AP3B1: variants seen among roughly 807,000 people sequenced by gnomAD.
AP3B1 encodes the protein adaptor related protein complex 3 subunit beta 1.
In AP3B1, 61 loss-of-function variants were observed where a neutral mutation model predicts 132.5. The ratio of observed to expected loss-of-function variants is 0.46; its 90% CI spans 0.37 to 0.57. The LOEUF (loss-of-function observed/expected upper bound fraction) is 0.57, where lower values mean the gene tolerates loss of function less well. Among genes scored for constraint, AP3B1 ranks in the 20% least tolerant of loss-of-function variants. The probability of loss-of-function intolerance (pLI) is 0.00; values close to 1 mark genes in which losing one functional copy is unlikely to be tolerated. For synonymous variants in AP3B1, 388 were observed against 438.3 expected (o/e 0.89, Z 1.43); for missense variants, 1,120 against 1,289.4 (o/e 0.87, Z 2.01).
At chr5:78,084,001 T>G (rs942655646) in intron 22 of AP3B1, among the ~76,000 whole-genome samples, 1 of 152,176 alleles carries the variant, frequency 6.6e-6, no homozygotes, top group African/African-American at 2.4e-5. Context: ...CTAAAAAAGT[T>G]TCATCTCTTT....
chr5:78,035,199 A>C (rs1194720463), intron 23 of AP3B1, among the ~76,000 whole-genome samples: 7 of 151,900 alleles, frequency 4.6e-5, no homozygotes, highest in Non-Finnish European at 1.0e-4. Context: ...AACAAGAACA[A>C]AATTTTATTC....
At chr5:78,132,173 C>G (rs543029565) in intron 15 of AP3B1, among the ~76,000 whole-genome samples, 1 of 152,256 alleles carries the variant, frequency 6.6e-6, no homozygotes, top group South Asian at 2.1e-4. Context: ...TTTCAACTGG[C>G]TGAATAAGCA....
chr5:78,165,840 G>A (rs12655144), intron 11 of AP3B1, among the ~76,000 whole-genome samples, 168 bp from the exon 12 acceptor site: 6,535 of 152,242 alleles, frequency 0.043, 212 homozygotes, highest in East Asian at 0.13. Flanking sequence ...AAGCCGAGGC[G>A]GGCGGATCAC....
At chr5:78,122,727 C>T (rs1449664284) in intron 17 of AP3B1, among the ~76,000 whole-genome samples, 1 of 152,188 alleles carries the variant, frequency 6.6e-6, no homozygotes, top group Non-Finnish European at 1.5e-5. Flanking sequence ...ACATTCCATG[C>T]TCATGGGTAG....
chr5:78,158,490 GCTAA>G (rs151164605), intron 13 of AP3B1, among the ~76,000 whole-genome samples: 27,722 of 151,770 alleles, frequency 0.18, 2,767 homozygotes, highest in Admixed American at 0.27. Flanking sequence ...TTAACTAAAA[GCTAA>G]CTAATATTAA....
At chr5:78,177,774 A>G (rs1479810254) in intron 8 of AP3B1, among the ~76,000 whole-genome samples, 1 of 152,156 alleles carries the variant, frequency 6.6e-6, no homozygotes. Context: ...CCATGTGAAG[A>G]TGGAGATAAT....
intron 2 of AP3B1, among the ~76,000 whole-genome samples, chr5:78,266,612 T>C (rs1296378893): frequency 6.6e-6 from 1 of 152,174 alleles, no homozygotes; most frequent in Non-Finnish European, 1.5e-5. Context: ...CAGTAGTTTA[T>C]TTAAGCAATT....
At chr5:78,011,411 A>G (rs1345201890) in intron 26 of AP3B1, among the ~76,000 whole-genome samples, 2 of 152,180 alleles carry the variant, frequency 1.3e-5, no homozygotes, top group Non-Finnish European at 2.9e-5. Context: ...AGTACGACAG[A>G]AATGAAGATA....
At chr5:78,175,160 G>A (rs1423940651) in intron 11 of AP3B1, among the ~76,000 whole-genome samples, 4 of 152,170 alleles carry the variant, frequency 2.6e-5, no homozygotes, top group East Asian at 1.9e-4. Flanking sequence ...GAAATCACCC[G>A]ACCTCTTGTG....
intron 23 of AP3B1, 33 bp downstream of exon 23, chr5:78,039,010 T>C (rs1003245963): frequency 1.5e-6 from 2 of 1,292,754 alleles, no homozygotes; most frequent in Admixed American, 1.8e-5. Context: ...TGATCAAATA[T>C]AGTTAAGGTT....
intron 4 of AP3B1, 24 bp downstream of exon 4, chr5:78,228,120 T>C (rs1746475535): frequency 1.3e-6 from 2 of 1,505,380 alleles, no homozygotes; most frequent in African/African-American, 2.8e-5. Context: ...TTGTAGCTAT[T>C]TGCCTACTCA....
intron 21 of AP3B1, among the ~76,000 whole-genome samples, chr5:78,091,166 C>T (rs1035350367): frequency 3.3e-5 from 5 of 150,134 alleles, no homozygotes; most frequent in African/African-American, 1.2e-4. Context: ...AATATTAATC[C>T]GTAAAGTTAA....
At chr5:78,152,618 A>C (rs1291591536) in intron 14 of AP3B1, among the ~76,000 whole-genome samples, 1 of 152,068 alleles carries the variant, frequency 6.6e-6, no homozygotes, top group African/African-American at 2.4e-5. Flanking sequence ...TAGTTAAGAT[A>C]CATCATTAAG....
At chr5:78,234,195 T>C (rs929161288) in intron 3 of AP3B1, among the ~76,000 whole-genome samples, 2 of 152,150 alleles carry the variant, frequency 1.3e-5, no homozygotes, top group Non-Finnish European at 2.9e-5. Flanking sequence ...TTAGACTCTT[T>C]ACACTTTCTT....
chr5:78,294,447 C>CAAA lies in AP3B1; in HGVS notation c.128+4_128+5insTTT. ...CATCCCCGCAACCCAAACCTTTCTCCTCACTTCTTCAAATCGCTGCTAAAG... is the reference window on the plus strand; with the variant it reads ...CATCCCCGCAACCCAAACCTTTCTCCAAATCACTTCTTCAAATCGCTGCTAAAG... On this transcript the variant is annotated splice_donor_region_variant and intron_variant, in intron 1 of 26. Coordinates refer to ENST00000255194, the MANE Select transcript of AP3B1 (RefSeq NM_003664.5). 1 of 1,614,206 alleles carries CAAA rather than the reference C, an allele frequency of 6.2e-7. No individual in the cohort carries two copies. The highest frequency in any genetic ancestry group is 8.5e-7 in the Non-Finnish European group (1 of 1,180,040).
At chr5:78,250,725 GA>G (rs1274698764) in intron 2 of AP3B1, among the ~76,000 whole-genome samples, 2 of 152,038 alleles carry the variant, frequency 1.3e-5, no homozygotes, top group Non-Finnish European at 2.9e-5. Flanking sequence ...AAAACCATGG[GA>G]AATATATCTA....
intron 26 of AP3B1, 49 bp from the exon 27 acceptor site, chr5:78,003,104 A>G: frequency 6.3e-7 from 1 of 1,584,072 alleles, no homozygotes; most frequent in Non-Finnish European, 8.7e-7. Context: ...GGGAGGGTAA[A>G]GGAGATAGCA....
chr5:78,053,452 C>T (rs1748666988), intron 22 of AP3B1, among the ~76,000 whole-genome samples: 1 of 152,002 alleles, frequency 6.6e-6, no homozygotes, highest in Non-Finnish European at 1.5e-5. Context: ...GAGACCGAGG[C>T]CGGTGGATCA....
intron 1 of AP3B1, among the ~76,000 whole-genome samples, chr5:78,293,434 C>CTA (rs548495417): frequency 1.3e-5 from 2 of 152,104 alleles, no homozygotes; most frequent in Admixed American, 1.3e-4. Context: ...ATCTTACATG[C>CTA]TATATATATG....
Sources: allele counts gnomAD v4.1 joint callset (sites outside exome capture counted in the v4.1 genomes callset), GRCh38; gene constraint gnomAD v4.1.1; transcripts MANE v1.5; gene names NCBI Gene and HGNC (gene_info 2026-07-23, HGNC 2026-07-21).